The following NOL4 variants were observed in gnomAD, a reference collection of about 807,000 sequenced individuals.
The protein encoded by NOL4 is cancer/testis antigen 125.
Under a neutral mutation model 75.9 loss-of-function variants are expected in NOL4, and 17 were observed. That is an observed-to-expected ratio of 0.22 (90% CI 0.15 to 0.34). NOL4 has a LOEUF of 0.34. Among genes scored for constraint, NOL4 ranks in the 10% least tolerant of loss-of-function variants. The pLI is 1.00. For synonymous variants in NOL4, 292 were observed against 289.9 expected (o/e 1.01, Z -0.07); for missense variants, 614 against 793.5 (o/e 0.77, Z 2.72).
chr18:34,137,779 T>TATATACACACACACAC (rs1354745785), intron 1 of NOL4, among the ~76,000 whole-genome samples: 5 of 147,044 alleles, frequency 3.4e-5, no homozygotes, highest in Non-Finnish European at 6.0e-5. Context: ...ATATACGAAA[T>TATATACACACACACAC]ACACACACAC....
At chr18:34,178,257 AC>A (rs2033730126) in intron 1 of NOL4, among the ~76,000 whole-genome samples, 1 of 151,840 alleles carries the variant, frequency 6.6e-6, no homozygotes, top group African/African-American at 2.4e-5. Context: ...TGTTAAAAAA[AC>A]AAGATGTGTA....
At chr18:34,205,510 C>T (rs181978300) in intron 1 of NOL4, among the ~76,000 whole-genome samples, 25 of 152,126 alleles carry the variant, frequency 1.6e-4, no homozygotes, top group Admixed American at 6.6e-5. Flanking sequence ...AATTGAATGC[C>T]GGTGCATGTT....
chr18:34,214,261 G>GGATTT (rs1304134086), intron 1 of NOL4, among the ~76,000 whole-genome samples: 1 of 146,370 alleles, frequency 6.8e-6, no homozygotes, highest in Non-Finnish European at 1.5e-5. Flanking sequence ...GTTAAAACTT[G>GGATTT]GATTTATATA....
intron 6 of NOL4, among the ~76,000 whole-genome samples, chr18:33,963,328 A>G (rs1468990268): frequency 2.0e-5 from 3 of 152,144 alleles, no homozygotes; most frequent in Non-Finnish European, 4.4e-5. Context: ...TTTTTTCTAT[A>G]AAACTATTTG....
chr18:34,162,507 G>C (rs1466355931), intron 1 of NOL4, among the ~76,000 whole-genome samples: 8 of 152,036 alleles, frequency 5.3e-5, no homozygotes, highest in African/African-American at 9.7e-5. Context: ...ATAAATTCCT[G>C]GACACATACG....
intron 5 of NOL4, among the ~76,000 whole-genome samples, chr18:34,036,316 A>G (rs1271617236): frequency 3.9e-5 from 6 of 152,052 alleles, no homozygotes; most frequent in Non-Finnish European, 5.9e-5. Context: ...GGGTGGTTTC[A>G]TGTACCCAAA....
intron 10 of NOL4, among the ~76,000 whole-genome samples, chr18:33,865,445 C>A (rs1044723192): frequency 6.6e-6 from 1 of 151,858 alleles, no homozygotes; most frequent in Non-Finnish European, 1.5e-5. Flanking sequence ...GCCGTTGGTT[C>A]AGTCTGGAGA....
chr18:33,915,742 G>C (rs1285881991), intron 9 of NOL4, among the ~76,000 whole-genome samples: 1 of 152,064 alleles, frequency 6.6e-6, no homozygotes, highest in Non-Finnish European at 1.5e-5. Context: ...GAATATTACA[G>C]AACAACAGAA....
intron 5 of NOL4, among the ~76,000 whole-genome samples, chr18:34,075,259 G>T (rs544226440): frequency 1.3e-5 from 2 of 152,112 alleles, no homozygotes; most frequent in Non-Finnish European, 2.9e-5. Flanking sequence ...TATACACCTT[G>T]TATACAGAGC....
chr18:33,990,869 A>C (rs1238315664), intron 6 of NOL4, among the ~76,000 whole-genome samples: 3 of 152,034 alleles, frequency 2.0e-5, no homozygotes, highest in Non-Finnish European at 2.9e-5. Flanking sequence ...TTTTCATGCC[A>C]TTTCAGCCAG....
intron 1 of NOL4, among the ~76,000 whole-genome samples, chr18:34,131,073 G>GGCAC (rs1555733830): frequency 1.4e-5 from 2 of 145,324 alleles, no homozygotes; most frequent in Non-Finnish European, 1.5e-5. Flanking sequence ...CACATACACC[G>GGCAC]ACACACACAC....
intron 5 of NOL4, among the ~76,000 whole-genome samples, chr18:34,060,372 T>C (rs376565209): frequency 6.8e-4 from 103 of 152,354 alleles, no homozygotes; most frequent in African/African-American, 2.4e-3. Flanking sequence ...TTGCTTTATA[T>C]GGTTGGGAAC....
chr18:34,074,319 GA>G (rs1181729451), intron 5 of NOL4, among the ~76,000 whole-genome samples: 7 of 151,070 alleles, frequency 4.6e-5, no homozygotes, highest in Non-Finnish European at 8.9e-5. Flanking sequence ...TAGAATTTTT[GA>G]AAAATACAAA....
intron 6 of NOL4, among the ~76,000 whole-genome samples, chr18:33,995,574 G>T (rs932254579): frequency 6.6e-6 from 1 of 151,446 alleles, no homozygotes; most frequent in East Asian, 1.9e-4. Context: ...AGAAATCAAA[G>T]GGAACTTAAT....
In NOL4 at chr18:34,223,420, C is replaced by T. The variant is rs1380154184; in HGVS notation, c.-167G>A. The T allele has an allele frequency of 2.4e-5, 22 of 899,834 alleles. No individual in the cohort carries two copies. Among genetic ancestry groups the T allele is most frequent in the Non-Finnish European group, 3.6e-5 (22 of 608,266 alleles). 55.7% of individuals were successfully genotyped at this position (899,834 alleles called of 1,614,324 possible). A position where few individuals can be genotyped will look rare whatever the true frequency, so the allele number is the denominator to read the frequency against. ...AGGGATGGGAAGAGGGGAGGAGGGT[C>T]CGGTTGGGCACCAGCAATCAATGCC... On this transcript the variant is annotated 5_prime_UTR_variant, in exon 1 of 11. Coordinates refer to ENST00000261592, the MANE Select transcript of NOL4 (RefSeq NM_003787.5).
chr18:33,919,701 A>G (rs2066920307), intron 9 of NOL4, among the ~76,000 whole-genome samples: 1 of 152,212 alleles, frequency 6.6e-6, no homozygotes, highest in South Asian at 2.1e-4. Flanking sequence ...ATCATCATTA[A>G]GAAGTGCTTA....
chr18:34,196,295 G>T (rs188240821), intron 1 of NOL4, among the ~76,000 whole-genome samples: 7 of 152,020 alleles, frequency 4.6e-5, no homozygotes, highest in Non-Finnish European at 8.8e-5. Context: ...AGCTTACAAA[G>T]ATTCTATCAT....
intron 2 of NOL4, among the ~76,000 whole-genome samples, chr18:34,115,371 T>A (rs1306705648): frequency 6.6e-6 from 1 of 151,956 alleles, no homozygotes; most frequent in African/African-American, 2.4e-5. Context: ...TAATAATAGC[T>A]CCCTGCAACC....
chr18:33,906,119 A>G (rs1392126891), intron 9 of NOL4, among the ~76,000 whole-genome samples: 1 of 152,184 alleles, frequency 6.6e-6, no homozygotes, highest in Non-Finnish European at 1.5e-5. Flanking sequence ...GTATAGTTGA[A>G]AGCAAATAAC....
Sources: allele counts gnomAD v4.1 joint callset (sites outside exome capture counted in the v4.1 genomes callset), GRCh38; gene constraint gnomAD v4.1.1; transcripts MANE v1.5; gene names NCBI Gene and HGNC (gene_info 2026-07-23, HGNC 2026-07-21).